The following IQCH variants were observed in gnomAD, a reference collection of about 807,000 sequenced individuals.
IQCH encodes IQ motif containing H, also known as IQ domain-containing protein H.
Under a neutral mutation model 117.0 loss-of-function variants are expected in IQCH, and 98 were observed. That is an observed-to-expected ratio of 0.84 (90% CI 0.71 to 0.99). The LOEUF (loss-of-function observed/expected upper bound fraction) is 0.99. Among genes scored for constraint, IQCH ranks in the 50% least tolerant of loss-of-function variants. The pLI is 0.00. For synonymous variants in IQCH, 412 were observed against 448.2 expected (o/e 0.92, Z 1.02); for missense variants, 1,102 against 1,243.8 (o/e 0.89, Z 1.72).
intron 8 of IQCH, among the ~76,000 whole-genome samples, chr15:67,360,394 T>A (rs1028243667): frequency 5.9e-5 from 9 of 152,076 alleles, no homozygotes; most frequent in African/African-American, 2.2e-4. Context: ...AAAAATGAAA[T>A]AGCCCCCACA....
intron 3 of IQCH, among the ~76,000 whole-genome samples, chr15:67,273,281 G>A (rs1401404459): frequency 6.6e-6 from 1 of 151,892 alleles, no homozygotes; most frequent in Non-Finnish European, 1.5e-5. Context: ...ATGTTGCCAG[G>A]CTGGTCTCAA....
rs185546992 is a variant in IQCH at position 67,386,208 on chromosome 15, A to G, written c.1456+1189A>G. On this transcript the variant is annotated intron_variant, in intron 11 of 20. Transcript: ENST00000335894. This position sits in a 1 kb window ranked among gnomAD's most constrained non-coding sequence, Gnocchi z 5.0. ...ACTTTCCTCTAATTTATTTGAATTA[A>G]TTTTTTTCTTCAGCTTTTTATATCT... Among the ~76,000 whole-genome samples, 94 of 152,268 alleles carry G rather than the reference A, an allele frequency of 6.2e-4. 1 individual carries two copies. The highest frequency in any genetic ancestry group is 3.4e-3 in the Middle Eastern group (1 of 294).
intron 6 of IQCH, among the ~76,000 whole-genome samples, chr15:67,349,325 A>G (rs956154227): frequency 6.6e-6 from 1 of 152,194 alleles, no homozygotes; most frequent in Non-Finnish European, 1.5e-5. Flanking sequence ...ATGAAAAGAA[A>G]AGCTATAGAT....
intron 7 of IQCH, among the ~76,000 whole-genome samples, chr15:67,358,207 C>CTTTTTTTTTTTTTTTTTTTTTT (rs71142373): frequency 0.032 from 330 of 10,454 alleles, 138 homozygotes; most frequent in Non-Finnish European, 0.036. Context: ...ACTTTCTTTT[C>CTTTTTTTTTTTTTTTTTTTTTT]TTTTTTTTTT....
chr15:67,437,062 T>C (rs902422294), intron 16 of IQCH, among the ~76,000 whole-genome samples: 3 of 152,162 alleles, frequency 2.0e-5, no homozygotes, highest in South Asian at 2.1e-4. Flanking sequence ...TGATGCTTTC[T>C]GGAAAGCGCC....
chr15:67,297,129 T>C (rs1483451690), intron 4 of IQCH, among the ~76,000 whole-genome samples: 1 of 152,222 alleles, frequency 6.6e-6, no homozygotes, highest in African/African-American at 2.4e-5. Context: ...GGAGGGCTTC[T>C]ACTTTGTTGA....
At chr15:67,299,411 G>T (rs1055352278) in intron 4 of IQCH, among the ~76,000 whole-genome samples, 3 of 151,940 alleles carry the variant, frequency 2.0e-5, no homozygotes, top group Non-Finnish European at 4.4e-5. Flanking sequence ...ATAATTTATT[G>T]TACATTTAAA....
chr15:67,371,424 T>C (rs1205755880), intron 8 of IQCH: 5 of 1,380,570 alleles, frequency 3.6e-6, no homozygotes, highest in African/African-American at 1.5e-5. Context: ...GGTTTTGTTA[T>C]CAGATTTGTG....
At chr15:67,330,087 C>T (rs1355450474) in intron 4 of IQCH, among the ~76,000 whole-genome samples, 1 of 152,062 alleles carries the variant, frequency 6.6e-6, no homozygotes, top group East Asian at 1.9e-4. Context: ...TCGGCTCCCA[C>T]CATCATGTCT....
rs534807592 is a variant in IQCH at position 67,386,339 on chromosome 15, A to G, written c.1456+1320A>G. Among the ~76,000 whole-genome samples the G allele has an allele frequency of 1.3e-5, 2 of 152,268 alleles. No homozygotes were observed. Among genetic ancestry groups the G allele is most frequent in the South Asian group, 4.1e-4 (2 of 4,820 alleles). On this transcript the variant is annotated intron_variant, in intron 11 of 20. Transcript: ENST00000335894. This position sits in a 1 kb window ranked among gnomAD's most constrained non-coding sequence, Gnocchi z 5.0. ...AGGCTTCTATTTTAAACAACTCAAT[A>G]ATTCAGTCTGTCTCTACCTGCAATG...
chr15:67,394,865 T>C (rs115946712), intron 12 of IQCH, among the ~76,000 whole-genome samples: 1 of 152,204 alleles, frequency 6.6e-6, no homozygotes, highest in African/African-American at 2.4e-5. Flanking sequence ...ATTTAAAGAG[T>C]TGCCGTGGTA....
chr15:67,403,025 A>T lies in IQCH; in HGVS notation c.2097+2720A>T, dbSNP rs1366668267. 6.6e-6 allele frequency among the ~76,000 whole-genome samples: 1 copy of T among 152,192 alleles called. No homozygotes were observed. Among genetic ancestry groups the T allele is most frequent in the Non-Finnish European group, 1.5e-5 (1 of 68,032 alleles). ...CACTCTGGGAGGCCAAGGCGGGTGA[A>T]TCACCTGAGGTCAGGAGTTCCAGGC... is the stretch of plus-strand genomic sequence containing the variant. On this transcript the variant is annotated intron_variant, in intron 14 of 20. Coordinates refer to ENST00000335894, the MANE Select transcript of IQCH (RefSeq NM_001031715.3). This position sits in a 1 kb window ranked among gnomAD's most constrained non-coding sequence, Gnocchi z 4.8.
At chr15:67,398,746 G>A (rs1596309321) in intron 13 of IQCH, among the ~76,000 whole-genome samples, 1 of 151,786 alleles carries the variant, frequency 6.6e-6, no homozygotes, top group Non-Finnish European at 1.5e-5. Context: ...AAAAAAAATT[G>A]TGGGCAAAGA....
chr15:67,457,375 T>C lies in IQCH; in HGVS notation c.2506-7752T>C, dbSNP rs2082684243. On this transcript the variant is annotated intron_variant, in intron 16 of 20. Transcript: ENST00000335894. This position sits in a 1 kb window ranked among gnomAD's most constrained non-coding sequence, Gnocchi z 5.7. ...ATCCAAGTGGGGAAAAAATATGTCATTTAGTAACTGCCTAAGAAAACGTGT... is the reference window on the plus strand; with the variant it reads ...ATCCAAGTGGGGAAAAAATATGTCACTTAGTAACTGCCTAAGAAAACGTGT... Among the ~76,000 whole-genome samples, 1 of 152,188 alleles carries C rather than the reference T, an allele frequency of 6.6e-6. No homozygotes were observed. Among genetic ancestry groups the C allele is most frequent in the African/African-American group, 2.4e-5 (1 of 41,438 alleles).
intron 17 of IQCH, among the ~76,000 whole-genome samples, chr15:67,468,765 G>A (rs574095888): frequency 3.9e-5 from 6 of 152,242 alleles, no homozygotes; most frequent in South Asian, 4.1e-4. Context: ...CCTTACTGCC[G>A]AGAACAGATT....
At chr15:67,271,227 C>T (rs1164668281) in intron 3 of IQCH, among the ~76,000 whole-genome samples, 1 of 152,216 alleles carries the variant, frequency 6.6e-6, no homozygotes, top group African/African-American at 2.4e-5. Flanking sequence ...CTTGGCCTCC[C>T]AAAGTGCTGA....
rs572705484 is a variant in IQCH at position 67,456,085 on chromosome 15, G to A, written c.2506-9042G>A. 2.0e-5 allele frequency among the ~76,000 whole-genome samples: 3 copies of A among 152,238 alleles called. No individual in the cohort carries two copies. The East Asian group carries it at 5.8e-4, about 29-fold the overall frequency. ...AATAGAGGGAGGGTCATAAATGCATGGAGGCTGCAGAAGAAACTCAGAAAA... is the reference window on the plus strand; with the variant it reads ...AATAGAGGGAGGGTCATAAATGCATAGAGGCTGCAGAAGAAACTCAGAAAA... On this transcript the variant is annotated intron_variant, in intron 16 of 20. Transcript: ENST00000335894. The surrounding 1 kb of genome is among the most constrained non-coding windows in gnomAD (Gnocchi z 5.1).
chr15:67,368,127 A>G (rs1165174889), intron 8 of IQCH, among the ~76,000 whole-genome samples: 1 of 152,206 alleles, frequency 6.6e-6, no homozygotes, highest in African/African-American at 2.4e-5. Flanking sequence ...AACTTGCCCA[A>G]GAGTATGTAG....
In IQCH at chr15:67,391,565, CA is replaced by C. The variant is rs1971285242; in HGVS notation, c.1632+2561del. Among the ~76,000 whole-genome samples, 1 of 152,016 alleles carries C rather than the reference CA, an allele frequency of 6.6e-6. No homozygotes were observed. The highest frequency in any genetic ancestry group is 1.5e-5 in the Non-Finnish European group (1 of 67,986). Reference sequence around the variant, plus strand: ...TCAGTGTTTATGAAGACATCCTAAACAACTACCTTTTATCTCAGGTCAAAAA... The same window carrying C: ...TCAGTGTTTATGAAGACATCCTAAACACTACCTTTTATCTCAGGTCAAAAA... On this transcript the variant is annotated intron_variant, in intron 12 of 20. Transcript: ENST00000335894. This position sits in a 1 kb window ranked among gnomAD's most constrained non-coding sequence, Gnocchi z 4.3.
Sources: gnomAD v4.1 joint callset for allele counts (sites outside exome capture counted in the v4.1 genomes callset) on GRCh38, gnomAD v4.1.1 for gene constraint, Gnocchi (gnomAD v3.1) non-coding constraint, MANE v1.5 for transcripts, NCBI Gene and HGNC (gene_info 2026-07-23, HGNC 2026-07-21) for gene names.